ZFAT: variants seen among roughly 807,000 people sequenced by gnomAD.
The protein encoded by ZFAT is zinc finger and AT-hook domain containing.
ZFAT carries 64 observed loss-of-function variants against 117.7 expected under a neutral mutation model. The observed-to-expected ratio is 0.54, with a 90% CI of 0.44 to 0.67. The LOEUF (loss-of-function observed/expected upper bound fraction) is 0.67, where lower values mean the gene tolerates loss of function less well. Among genes scored for constraint, ZFAT ranks in the 30% least tolerant of loss-of-function variants. The pLI is 0.00. For synonymous variants in ZFAT, 679 were observed against 615.0 expected, an observed-to-expected ratio of 1.10 and a Z score of -1.54; for missense variants, 1,433 against 1,584.5, an observed-to-expected ratio of 0.90 and a Z score of 1.62.
upstream of ZFAT, among the ~76,000 whole-genome samples, chr8:134,713,803 C>A (rs761726638): frequency 6.6e-6 from 1 of 152,110 alleles, no homozygotes; most frequent in African/African-American, 2.4e-5. Flanking sequence ...CCTCACCCCC[C>A]GAAACCCATC....
the ZFAT span, among the ~76,000 whole-genome samples, chr8:134,734,963 G>T: frequency 2.0e-5 from 3 of 152,124 alleles, no homozygotes; most frequent in Non-Finnish European, 2.9e-5. Context: ...CAACAGCTCA[G>T]TCTCCAGGGC....
chr8:134,729,762 T>C, the ZFAT span, among the ~76,000 whole-genome samples: 223 of 152,280 alleles, frequency 1.5e-3, no homozygotes, highest in African/African-American at 5.0e-3. Flanking sequence ...GATGGGCTGG[T>C]TACCCTCACA....
At chr8:134,750,683 T>A in the ZFAT span, among the ~76,000 whole-genome samples, 2 of 152,188 alleles carry the variant, frequency 1.3e-5, no homozygotes, top group African/African-American at 4.8e-5. Flanking sequence ...AGAGGATTGC[T>A]TGAGCCTGGG....
the ZFAT span, among the ~76,000 whole-genome samples, chr8:134,832,336 C>CTGTG: frequency 1.3e-5 from 2 of 151,276 alleles, no homozygotes; most frequent in African/African-American, 2.4e-5. Flanking sequence ...GTACATGTCT[C>CTGTG]TGTGTGTGTG....
At chr8:134,485,742 A>G (rs1817615513) in intron 15 of ZFAT, among the ~76,000 whole-genome samples, 2 of 128,712 alleles carry the variant, frequency 1.6e-5, no homozygotes, top group African/African-American at 3.0e-5. Flanking sequence ...CAAGGACATC[A>G]AAATATGACA....
intron 15 of ZFAT, among the ~76,000 whole-genome samples, chr8:134,479,116 A>ATT (rs967498897): frequency 8.5e-5 from 13 of 152,188 alleles, no homozygotes; most frequent in African/African-American, 3.1e-4. Flanking sequence ...GCTCCTGGAA[A>ATT]TTTATAGCTG....
chr8:134,584,833 T>C (rs2130853110), intron 9 of ZFAT, among the ~76,000 whole-genome samples: 1 of 152,288 alleles, frequency 6.6e-6, no homozygotes, highest in African/African-American at 2.4e-5. Flanking sequence ...CACATAGTAA[T>C]GAAGCAGACA....
At chr8:134,779,588 C>T in the ZFAT span, among the ~76,000 whole-genome samples, 1 of 152,186 alleles carries the variant, frequency 6.6e-6, no homozygotes, top group East Asian at 1.9e-4. Context: ...GTTCCCTTGG[C>T]TTGTTTTCTT....
At chr8:134,534,643 G>A (rs995269612) in intron 11 of ZFAT, among the ~76,000 whole-genome samples, 1 of 149,114 alleles carries the variant, frequency 6.7e-6, no homozygotes, top group Admixed American at 6.7e-5. Context: ...GGGAGAGAGG[G>A]AGAGAGGGAG....
rs144423892 is a variant in ZFAT, at chr8:134,600,222, T to G, written c.2475+214A>C. 3.8e-3 allele frequency: 2,226 copies of G among 588,002 alleles called. 5 individuals are homozygous for G. Among genetic ancestry groups the G allele is most frequent in the Middle Eastern group, 6.8e-3 (15 of 2,210 alleles). 36.4% of individuals were successfully genotyped at this position (588,002 alleles called of 1,614,324 possible). On this transcript the variant is annotated intron_variant, in intron 7 of 15. Coordinates refer to ENST00000377838, the MANE Select transcript of ZFAT (RefSeq NM_020863.4). Reference sequence around the variant, plus strand: ...TAAAAAAATTTGCACAGGAAACAATTTATTCCATCTAATCTCTTTTTTCAA... The same window carrying G: ...TAAAAAAATTTGCACAGGAAACAATGTATTCCATCTAATCTCTTTTTTCAA...
chr8:134,757,308 C>T, the ZFAT span, among the ~76,000 whole-genome samples: 1 of 152,106 alleles, frequency 6.6e-6, no homozygotes. Flanking sequence ...TGAGCCACCG[C>T]ACCCAGCCCT....
At position 134,532,984 on chromosome 8, in the gene ZFAT, A is replaced by T. The variant is rs759915972; in HGVS notation, c.2977-12T>A. The T allele has an allele frequency of 6.3e-7, 1 of 1,593,742 alleles. No homozygotes were observed. ...GCACAGCGGAAAGGCTGCGGGGACA[A>T]TGAGGAGGGGTTAGGAAAGGTGAGC... is the stretch of plus-strand genomic sequence containing the variant. On this transcript the variant is annotated splice_polypyrimidine_tract_variant and intron_variant, in intron 11 of 15. Transcript: ENST00000377838.
chr8:134,760,273 G>GAAAAA, the ZFAT span, among the ~76,000 whole-genome samples: 15 of 128,754 alleles, frequency 1.2e-4, no homozygotes, highest in Middle Eastern at 4.2e-3. Flanking sequence ...GTCTCAAAAA[G>GAAAAA]AAAAAAAAAA....
At chr8:134,705,482 G>GCTGA (rs1834125847) in intron 1 of ZFAT, among the ~76,000 whole-genome samples, 1 of 149,116 alleles carries the variant, frequency 6.7e-6, no homozygotes, top group Non-Finnish European at 1.5e-5. Context: ...CTCCCAAAAT[G>GCTGA]CTGAGATTGA....
At chr8:134,765,364 T>C in the ZFAT span, 3 of 152,248 alleles carry the variant, frequency 2.0e-5, no homozygotes, top group Admixed American at 1.3e-4. Flanking sequence ...TGGTTCTGTG[T>C]TCAGGGATGT....
the ZFAT span, among the ~76,000 whole-genome samples, chr8:134,720,050 C>T: frequency 3.9e-5 from 6 of 152,326 alleles, no homozygotes; most frequent in South Asian, 6.2e-4. Flanking sequence ...GTCTTTGGAA[C>T]GCCGCCTCTG....
chr8:134,754,207 G>T, the ZFAT span, among the ~76,000 whole-genome samples: 1 of 152,212 alleles, frequency 6.6e-6, no homozygotes, highest in Non-Finnish European at 1.5e-5. Context: ...CAGAGTCCTT[G>T]TGAATAAATA....
At chr8:134,763,064 T>A in the ZFAT span, among the ~76,000 whole-genome samples, 1 of 152,172 alleles carries the variant, frequency 6.6e-6, no homozygotes, top group African/African-American at 2.4e-5. Context: ...ATCAGAGTAA[T>A]CTTTAAAAAA....
chr8:134,788,026 A>G, the ZFAT span, among the ~76,000 whole-genome samples: 1 of 152,060 alleles, frequency 6.6e-6, no homozygotes, highest in African/African-American at 2.4e-5. Context: ...CTTCTTTCTA[A>G]ACGTTCTATC....
Sources: allele counts gnomAD v4.1 joint callset (sites outside exome capture counted in the v4.1 genomes callset), GRCh38; gene constraint gnomAD v4.1.1; transcripts MANE v1.5; gene names NCBI Gene and HGNC (gene_info 2026-07-23, HGNC 2026-07-21).